Variants in TIPIN observed in about 807,000 individuals in gnomAD.
The protein encoded by TIPIN is TIMELESS interacting protein, also known as TIMELESS-interacting protein.
A neutral mutation model predicts 35.6 loss-of-function variants in TIPIN; 29 were observed. The observed-to-expected ratio is 0.82, with a 90% confidence interval of 0.61 to 1.11. The LOEUF (loss-of-function observed/expected upper bound fraction) is 1.11, where lower values mean the gene tolerates loss of function less well. Among genes scored for constraint, TIPIN ranks in the 50% most tolerant of loss-of-function variants. TIPIN has a pLI of 0.00. For synonymous variants in TIPIN, 102 were observed against 121.5 expected, an observed-to-expected ratio of 0.84 and a Z score of 1.06; for missense variants, 296 against 345.4, an observed-to-expected ratio of 0.86 and a Z score of 1.13.
At chr15:66,364,533 A>G (rs1358331762) in intron 1 of TIPIN, among the ~76,000 whole-genome samples, 2 of 152,192 alleles carry the variant, frequency 1.3e-5, no homozygotes, top group African/African-American at 4.8e-5. Context: ...AAGTTCCACT[A>G]AAAAATCAAC....
chr15:66,345,005 T>C (rs1046134871), intron 6 of TIPIN, among the ~76,000 whole-genome samples: 12 of 152,150 alleles, frequency 7.9e-5, no homozygotes, highest in African/African-American at 2.9e-4. Context: ...CAGGATGCCG[T>C]CATTGTAGTA....
At position 66,352,828 on chromosome 15, in the gene TIPIN, A is replaced by G; in HGVS notation, c.120T>C (p.Thr40=). ...ASPERQDGEG[T]EPDEESGNGA... is the part of the protein sequence containing the mutation. The stretch of plus-strand genomic sequence containing the variant: ...CTCTATACATACCTTCATCAGGCTC[A>G]GTTCCTTCACCATCTTGTCTCTCTG... The change falls in exon 2 of 8, where the codon ACT becomes ACC. Residue 40 remains threonine, a synonymous_variant. Coordinates refer to ENST00000261881, the MANE Select transcript of TIPIN (RefSeq NM_017858.3). 1.2e-6 allele frequency: 2 copies of G among 1,612,524 alleles called. No individual in the cohort carries two copies.
intron 1 of TIPIN, among the ~76,000 whole-genome samples, chr15:66,353,975 T>G (rs1232199584): frequency 6.6e-6 from 1 of 152,056 alleles, no homozygotes; most frequent in Non-Finnish European, 1.5e-5. Flanking sequence ...AAAAAAAATT[T>G]AGCCAGGTGT....
chr15:66,338,440 CAA>C (rs2093060664), intron 7 of TIPIN, among the ~76,000 whole-genome samples: 1 of 152,106 alleles, frequency 6.6e-6, no homozygotes, highest in South Asian at 2.1e-4. Flanking sequence ...ATATTGACAG[CAA>C]AGAAGCCACT....
At chr15:66,381,222 G>A (rs968320574) in intron 1 of TIPIN, among the ~76,000 whole-genome samples, 3 of 152,108 alleles carry the variant, frequency 2.0e-5, no homozygotes, top group African/African-American at 7.2e-5. Flanking sequence ...GATCACCTGA[G>A]GTCAGGAGTT....
intron 7 of TIPIN, among the ~76,000 whole-genome samples, chr15:66,339,239 G>C (rs928799911): frequency 6.7e-6 from 1 of 150,236 alleles, no homozygotes; most frequent in South Asian, 2.1e-4. Context: ...AATATATTGG[G>C]TGAAACTTCG....
At chr15:66,356,765 C>G (rs2140472982), upstream of TIPIN, 1 of 983,040 alleles carries the variant, frequency 1.0e-6, no homozygotes, top group Non-Finnish European at 1.2e-6. Context: ...GTGCGGGGGG[C>G]TGGGCGGAGC....
rs777916300 is a variant in TIPIN at position 66,337,110 on chromosome 15, ACTC to A, written c.751_753del (p.Glu251del). 5.0e-6 allele frequency: 8 copies of A among 1,613,628 alleles called. No individual in the cohort carries two copies. In the South Asian group the frequency reaches 6.6e-5, roughly 13 times the overall value. ...AGAATGTCTTCGTTTAATCCATTTG[ACTC>A]CTCCTTTTGATCCTCATCAGTATTA... On this transcript the variant is annotated inframe_deletion, in exon 8 of 8. Coordinates refer to ENST00000261881, the MANE Select transcript of TIPIN (RefSeq NM_017858.3).
Position 66,379,147 on chromosome 15 carries a change from C to T in TIPIN, c.-9+7460G>A, listed in dbSNP as rs2037417273. 3 of 744,204 alleles carry T rather than the reference C, an allele frequency of 4.0e-6. No individual in the cohort carries two copies. In the African/African-American group the frequency reaches 5.3e-5, roughly 13 times the overall value. The allele number at this position is 744,204 out of a possible 1,614,324, so 46.1% of individuals were successfully genotyped here. ...TAAGCAATTGTCCCGCCTCTGCCTC[C>T]CAAAATGCTGGAATCACAGGCATGA... On this transcript the variant is annotated intron_variant, in intron 1 of 7. Coordinates refer to the TIPIN transcript ENST00000562124.
At chr15:66,384,210 G>A (rs556077573) in intron 1 of TIPIN, among the ~76,000 whole-genome samples, 24 of 151,730 alleles carry the variant, frequency 1.6e-4, no homozygotes, top group Non-Finnish European at 2.9e-4. Flanking sequence ...TGTTAGCCAG[G>A]ATGGTCTCGA....
At chr15:66,364,966 C>CAAAAAAAAAAAGA (rs138230933) in intron 1 of TIPIN, among the ~76,000 whole-genome samples, 1 of 76,154 alleles carries the variant, frequency 1.3e-5, no homozygotes, top group Non-Finnish European at 2.4e-5. Flanking sequence ...AACTCCATCT[C>CAAAAAAAAAAAGA]AAAAAAAAAG....
chr15:66,352,874 G>A lies in TIPIN; in HGVS notation c.74C>T (p.Pro25Leu). ...CTCTGGAGAGGCTGGAGGTGGGAAA[G>A]GAGGAAAAGTTTCATCTTCTACATG... ...YEHVEDETFP[P>L]FPPPASPERQ... is the part of the protein sequence containing the mutation. The change falls in exon 2 of 8, where the codon CCT (proline) becomes CTT (leucine). Residue 25 changes from proline (P) to leucine (L), a missense_variant. Physicochemically the swap from Pro to Leu is moderately conservative, Grantham distance 98. Coordinates refer to ENST00000261881, the MANE Select transcript of TIPIN (RefSeq NM_017858.3). 6.2e-7 allele frequency: 1 copy of A among 1,613,958 alleles called. No homozygotes were observed. The highest frequency in any genetic ancestry group is 8.5e-7 in the Non-Finnish European group (1 of 1,180,014).
chr15:66,359,204 T>A (rs1262537547), upstream of TIPIN, among the ~76,000 whole-genome samples: 1 of 149,218 alleles, frequency 6.7e-6, no homozygotes. Flanking sequence ...CACACAAAGA[T>A]AGAAAGTAAA....
At chr15:66,344,095 CT>C (rs533829554) in intron 6 of TIPIN, among the ~76,000 whole-genome samples, 2 of 151,464 alleles carry the variant, frequency 1.3e-5, no homozygotes, top group Non-Finnish European at 2.9e-5. Context: ...TAAATAACTA[CT>C]TTTTTTTTGT....
At chr15:66,372,631 A>C (rs373390137) in intron 1 of TIPIN, among the ~76,000 whole-genome samples, 7 of 152,278 alleles carry the variant, frequency 4.6e-5, no homozygotes, top group Admixed American at 2.0e-4. Context: ...TAGGGCCGGG[A>C]CCTGTGGCTC....
chr15:66,374,022 C>T (rs1294844019), intron 1 of TIPIN, among the ~76,000 whole-genome samples: 1 of 152,130 alleles, frequency 6.6e-6, no homozygotes. Flanking sequence ...TCAATTTAGC[C>T]AGAATAGTGG....
intron 1 of TIPIN, among the ~76,000 whole-genome samples, chr15:66,370,581 G>C (rs2093274319): frequency 6.6e-6 from 1 of 152,054 alleles, no homozygotes; most frequent in South Asian, 2.1e-4. Context: ...AGGAACAGCT[G>C]CCAAACTCAC....
chr15:66,367,458 G>A lies in TIPIN; in HGVS notation c.-8-14503C>T, dbSNP rs900860659. On this transcript the variant is annotated intron_variant, in intron 1 of 7. Transcript: ENST00000562124. ...CACCCAGGCTGGAGTGCAGTGGCAT[G>A]ATCTCGGCTCACTGCAACCTCTGAC... Among the ~76,000 whole-genome samples, 3 of 151,356 alleles carry A rather than the reference G, an allele frequency of 2.0e-5. No individual in the cohort carries two copies. In the Admixed American group the frequency reaches 2.0e-4, roughly 10 times the overall value.
intron 1 of TIPIN, among the ~76,000 whole-genome samples, chr15:66,353,195 C>G (rs896967851): frequency 1.3e-5 from 2 of 152,124 alleles, no homozygotes; most frequent in Non-Finnish European, 2.9e-5. Flanking sequence ...TTTACCTCAA[C>G]TATTGAGTTT....
Sources: gnomAD v4.1 joint callset for allele counts (sites outside exome capture counted in the v4.1 genomes callset) on GRCh38, gnomAD v4.1.1 for gene constraint, MANE v1.5 for transcripts, NCBI Gene and HGNC (gene_info 2026-07-23, HGNC 2026-07-21) for gene names.